The following RBFOX1 variants were observed in gnomAD, a reference collection of about 807,000 sequenced individuals.
RBFOX1 encodes the protein RNA binding fox-1 homolog 1.
A neutral mutation model predicts 57.7 loss-of-function variants in RBFOX1; 8 were observed. The observed-to-expected ratio is 0.14, with a 90% CI of 0.08 to 0.25. The LOEUF (loss-of-function observed/expected upper bound fraction) is 0.25, where lower values mean the gene tolerates loss of function less well. Ranked by LOEUF, RBFOX1 falls within the 10% of genes least tolerant of loss-of-function variation. The probability of loss-of-function intolerance (pLI) is 1.00; values close to 1 mark genes in which losing one functional copy is unlikely to be tolerated. For synonymous variants in RBFOX1, 326 were observed against 222.4 expected (o/e 1.47, Z -4.15); for missense variants, 611 against 548.5 (o/e 1.11, Z -1.14).
chr16:7,055,223 G>A (rs2051727777), intron 4 of RBFOX1, among the ~76,000 whole-genome samples: 2 of 152,102 alleles, frequency 1.3e-5, no homozygotes, highest in Admixed American at 6.5e-5. Context: ...AATATACAAC[G>A]TTTTTCTAAC....
rs898110271 is a variant in RBFOX1, at chr16:5,946,062, G to T, written c.351+78727G>T. On this transcript the variant is annotated intron_variant, in intron 4 of 19. Transcript: ENST00000641259. This position sits in a 1 kb window ranked among gnomAD's most constrained non-coding sequence, Gnocchi z 4.6. ...GCTTTGTTTGCTAGTAAAGTGAGGG[G>T]GAGACAGGGTTTTAATTAGTGGACT... 6.6e-6 allele frequency among the ~76,000 whole-genome samples: 1 copy of T among 152,148 alleles called. No homozygotes were observed. The highest frequency in any genetic ancestry group is 1.5e-5 in the Non-Finnish European group (1 of 68,030).
At chr16:7,040,416 A>G (rs553633399) in intron 3 of RBFOX1, among the ~76,000 whole-genome samples, 5 of 152,338 alleles carry the variant, frequency 3.3e-5, no homozygotes, top group African/African-American at 1.2e-4. Context: ...AATTATTACA[A>G]TAACCATATA....
At chr16:6,749,928 C>G (rs1018283359) in intron 3 of RBFOX1, among the ~76,000 whole-genome samples, 15 of 152,168 alleles carry the variant, frequency 9.9e-5, no homozygotes, top group African/African-American at 3.6e-4. Context: ...GCCAAGCTGA[C>G]TGTGTCAGGG....
At chr16:7,292,113 T>C (rs1484194864) in intron 4 of RBFOX1, among the ~76,000 whole-genome samples, 5 of 76,458 alleles carry the variant, frequency 6.5e-5, no homozygotes, top group Admixed American at 1.5e-4. Context: ...ATGTATTATG[T>C]ATAATATATA....
At position 6,858,502 on chromosome 16, in the gene RBFOX1, C is replaced by A. The variant is rs147157504; in HGVS notation, c.-15-193555C>A. Among the ~76,000 whole-genome samples, 843 of 152,224 alleles carry A rather than the reference C, an allele frequency of 5.5e-3. 15 individuals are homozygous for A. Among genetic ancestry groups the A allele is most frequent in the African/African-American group, 0.019 (807 of 41,546 alleles). Reference sequence around the variant, plus strand: ...TTTCCGGGCAGAGGTAGAACATACTCCTTGAAGCTGCTTTTGTATCACGCT... The same window carrying A: ...TTTCCGGGCAGAGGTAGAACATACTACTTGAAGCTGCTTTTGTATCACGCT... On this transcript the variant is annotated intron_variant, in intron 3 of 15. Coordinates refer to ENST00000550418, the MANE Select transcript of RBFOX1 (RefSeq NM_018723.4).
At chr16:6,581,654 A>G (rs965019363) in intron 2 of RBFOX1, among the ~76,000 whole-genome samples, 1 of 152,186 alleles carries the variant, frequency 6.6e-6, no homozygotes, top group South Asian at 2.1e-4. Context: ...CAGGTGATCT[A>G]TTGATCCCCA....
intron 1 of RBFOX1, among the ~76,000 whole-genome samples, chr16:6,080,933 G>A (rs943355413): frequency 3.9e-5 from 6 of 152,100 alleles, no homozygotes; most frequent in Non-Finnish European, 7.3e-5. Flanking sequence ...GTCTGCATTT[G>A]GAAACACCCA....
intron 2 of RBFOX1, among the ~76,000 whole-genome samples, chr16:5,531,638 A>G (rs938854910): frequency 1.8e-5 from 2 of 110,604 alleles, no homozygotes; most frequent in Non-Finnish European, 3.6e-5. Context: ...GCAATACCCC[A>G]TGCCTTAAAG....
At position 6,355,355 on chromosome 16, in the gene RBFOX1, A is replaced by C. The variant is rs551771918; in HGVS notation, c.-64+38298A>C. 1.3e-4 allele frequency among the ~76,000 whole-genome samples: 19 copies of C among 151,160 alleles called. No homozygotes were observed. In the South Asian group the frequency reaches 3.4e-3, roughly 27 times the overall value. ...TATATCCATGTGTTCTCGTTGTTCA[A>C]CTCCCACTTATGAGTGAGAACATGC... On this transcript the variant is annotated intron_variant, in intron 2 of 15. Transcript: ENST00000550418.
chr16:6,966,899 C>G (rs996895561), intron 3 of RBFOX1, among the ~76,000 whole-genome samples: 1 of 142,696 alleles, frequency 7.0e-6, no homozygotes, highest in South Asian at 2.3e-4. Flanking sequence ...ATCTCTCCAT[C>G]CATCCATCCA....
chr16:7,560,924 T>C (rs970054456), intron 5 of RBFOX1, among the ~76,000 whole-genome samples: 10 of 152,246 alleles, frequency 6.6e-5, no homozygotes, highest in Non-Finnish European at 1.2e-4. Context: ...TATTCCCGTC[T>C]GGCCGAATTA....
intron 2 of RBFOX1, among the ~76,000 whole-genome samples, chr16:6,377,293 A>G (rs539867170): frequency 5.3e-4 from 80 of 151,698 alleles, no homozygotes; most frequent in Non-Finnish European, 9.0e-4. Flanking sequence ...AAAAAAAAGA[A>G]AAAGAAAAAA....
intron 4 of RBFOX1, among the ~76,000 whole-genome samples, chr16:7,371,911 G>C (rs969443801): frequency 6.6e-6 from 1 of 151,612 alleles, no homozygotes; most frequent in Non-Finnish European, 1.5e-5. Context: ...GCCTCCTTCA[G>C]TTTTTCTACA....
At chr16:5,670,715 A>G (rs2049991222) in intron 3 of RBFOX1, among the ~76,000 whole-genome samples, 1 of 152,236 alleles carries the variant, frequency 6.6e-6, no homozygotes, top group Non-Finnish European at 1.5e-5. Context: ...TTCAACTGTT[A>G]GAGTTTATTG....
At chr16:5,823,835 A>T (rs1205738225) in intron 3 of RBFOX1, among the ~76,000 whole-genome samples, 2 of 152,198 alleles carry the variant, frequency 1.3e-5, no homozygotes, top group East Asian at 3.8e-4. Flanking sequence ...CTGATTCTAC[A>T]TTACAGCAAG....
intron 3 of RBFOX1, among the ~76,000 whole-genome samples, chr16:6,839,071 G>A (rs2093309678): frequency 6.6e-6 from 1 of 151,720 alleles, no homozygotes; most frequent in African/African-American, 2.4e-5. Context: ...TGTAACCTCT[G>A]CCTCCTGGGT....
intron 4 of RBFOX1, among the ~76,000 whole-genome samples, chr16:7,229,747 G>A (rs2093375837): frequency 9.5e-6 from 1 of 105,140 alleles, no homozygotes; most frequent in Non-Finnish European, 2.0e-5. Context: ...GGGGAAGAAG[G>A]AAGGGAGAGA....
At chr16:6,102,457 T>C (rs766887357) in intron 1 of RBFOX1, among the ~76,000 whole-genome samples, 4 of 152,196 alleles carry the variant, frequency 2.6e-5, no homozygotes, top group Admixed American at 2.0e-4. Context: ...ACATCAATCA[T>C]TGAATTGCAC....
chr16:6,439,307 C>A (rs1020361664), intron 2 of RBFOX1, among the ~76,000 whole-genome samples: 1 of 152,118 alleles, frequency 6.6e-6, no homozygotes, highest in African/African-American at 2.4e-5. Context: ...CACCATCCAC[C>A]CATGTTAATG....
Sources: gnomAD v4.1 joint callset for allele counts (sites outside exome capture counted in the v4.1 genomes callset) on GRCh38, gnomAD v4.1.1 for gene constraint, Gnocchi (gnomAD v3.1) non-coding constraint, MANE v1.5 for transcripts, NCBI Gene and HGNC (gene_info 2026-07-23, HGNC 2026-07-21) for gene names.